CACNA2D2: variants seen among roughly 807,000 people sequenced by gnomAD.
CACNA2D2 encodes voltage-dependent calcium channel subunit alpha-2/delta-2.
CACNA2D2 carries 48 observed loss-of-function variants against 166.4 expected under a neutral mutation model. The observed-to-expected ratio is 0.29, with a 90% CI of 0.23 to 0.37. The LOEUF is 0.37. CACNA2D2 is among the 10% of genes least tolerant of loss of function. The probability of loss-of-function intolerance (pLI) is 1.00; values close to 1 mark genes in which losing one functional copy is unlikely to be tolerated. For synonymous variants in CACNA2D2, 561 were observed against 573.7 expected (o/e 0.98, Z 0.32); for missense variants, 1,122 against 1,433.0 (o/e 0.78, Z 3.50).
At position 50,367,644 on chromosome 3, in the gene CACNA2D2, G is replaced by A. The variant is rs139125287; in HGVS notation, c.2295C>T (p.Asn765=). 4.0e-4 allele frequency: 640 copies of A among 1,611,740 alleles called. 2 individuals are homozygous for A. Among genetic ancestry groups the A allele is most frequent in the Non-Finnish European group, 4.8e-4 (567 of 1,178,320 alleles). ...GGGTAGTGGGATAGGTCACTTACTT[G>A]TTGGGGAAGACTCGGGTGATGCCAC... The part of the protein sequence containing the change: ...TDGGITRVFP[N]KAAEDWTENP... The change falls in exon 26 of 38, where the codon AAC becomes AAT. Residue 765 remains asparagine (N), a splice_region_variant and synonymous_variant. Coordinates refer to ENST00000424201, the MANE Select transcript of CACNA2D2 (RefSeq NM_006030.4). The surrounding 1 kb of genome is among the most constrained non-coding windows in gnomAD (Gnocchi z 6.5).
chr3:50,391,874 C>T (rs1199095520), intron 4 of CACNA2D2, among the ~76,000 whole-genome samples: 2 of 152,222 alleles, frequency 1.3e-5, no homozygotes. Context: ...TCCTCCCCAT[C>T]TCAGAGGTAA....
At chr3:50,406,616 T>C (rs201073898) in intron 3 of CACNA2D2, among the ~76,000 whole-genome samples, 2 of 96,122 alleles carry the variant, frequency 2.1e-5, no homozygotes, top group Admixed American at 1.8e-4. Flanking sequence ...TATTACTCCA[T>C]CATCATCAGT....
chr3:50,367,860 A>C lies in CACNA2D2; in HGVS notation c.2186T>G (p.Ile729Ser). The change falls in exon 25 of 38, where the codon ATC (isoleucine) becomes AGC (serine). Residue 729 changes from isoleucine to serine, a missense_variant. Coordinates refer to ENST00000424201, the MANE Select transcript of CACNA2D2 (RefSeq NM_006030.4). The surrounding 1 kb of genome is among the most constrained non-coding windows in gnomAD (Gnocchi z 6.5). Reference protein sequence around the residue: ...LLHNLILDTGITQQLVERVWR... With the variant: ...LLHNLILDTGSTQQLVERVWR... ...CACACGCTCTACCAGCTGCTGCGTG[A>C]TGCCCGTGTCCAAGATCAGGTTGTG... is the stretch of plus-strand genomic sequence containing the variant. 1 of 1,469,658 alleles carries C rather than the reference A, an allele frequency of 6.8e-7. No individual in the cohort carries two copies. Among genetic ancestry groups the C allele is most frequent in the Non-Finnish European group, 9.2e-7 (1 of 1,091,936 alleles). 91.0% of individuals were successfully genotyped at this position (1,469,658 alleles called of 1,614,324 possible).
chr3:50,472,393 T>A (rs2107070972), intron 2 of CACNA2D2, among the ~76,000 whole-genome samples: 1 of 152,274 alleles, frequency 6.6e-6, no homozygotes, highest in East Asian at 1.9e-4. Context: ...GCTTGAGCCT[T>A]CCCAGAGGGT....
chr3:50,377,539 GT>G lies in CACNA2D2; in HGVS notation c.1553del (p.Asn518ThrfsTer3). The G allele has an allele frequency of 6.2e-7, 1 of 1,613,084 alleles. No homozygotes were observed. Among genetic ancestry groups the G allele is most frequent in the Non-Finnish European group, 8.5e-7 (1 of 1,179,706 alleles). On this transcript the variant is annotated frameshift_variant and splice_region_variant, in exon 17 of 38. Coordinates refer to ENST00000424201, the MANE Select transcript of CACNA2D2 (RefSeq NM_006030.4). LOFTEE classifies it high-confidence loss of function. ...LTQDGPGEKK[N>X]QLILGVMGID... Reference sequence around the variant, plus strand: ...TGCCCATCACGCCCAGGATCAGCTGGTTCTGGGAGCAGAAGCATGGGGGGCT... The same window carrying G: ...TGCCCATCACGCCCAGGATCAGCTGGTCTGGGAGCAGAAGCATGGGGGGCT...
intron 1 of CACNA2D2, among the ~76,000 whole-genome samples, chr3:50,484,372 A>G (rs1289206194): frequency 2.6e-5 from 4 of 151,902 alleles, no homozygotes; most frequent in African/African-American, 9.7e-5. Flanking sequence ...GTTCCCCTCT[A>G]CACACGGCTG....
chr3:50,488,003 GAGA>G (rs1356660108), intron 1 of CACNA2D2, among the ~76,000 whole-genome samples: 1 of 152,168 alleles, frequency 6.6e-6, no homozygotes, highest in African/African-American at 2.4e-5. Flanking sequence ...GGGGCCTGAT[GAGA>G]AGAAGAGTCC....
At chr3:50,449,046 G>A (rs563976430) in intron 2 of CACNA2D2, among the ~76,000 whole-genome samples, 3 of 152,318 alleles carry the variant, frequency 2.0e-5, no homozygotes, top group South Asian at 2.1e-4. Context: ...GATGGTGGGC[G>A]AGAAAAAATT....
intron 2 of CACNA2D2, among the ~76,000 whole-genome samples, chr3:50,470,642 A>T (rs1478334444): frequency 6.8e-6 from 1 of 147,962 alleles, no homozygotes; most frequent in Non-Finnish European, 1.5e-5. Flanking sequence ...GCCACTCCCC[A>T]TCCAATCCTG....
chr3:50,406,456 AC>A (rs34906519), intron 3 of CACNA2D2, among the ~76,000 whole-genome samples: 2,243 of 151,208 alleles, frequency 0.015, 35 homozygotes, highest in Middle Eastern at 0.058. Flanking sequence ...CAGCCCTATC[AC>A]CCCCATCACC....
intron 3 of CACNA2D2, among the ~76,000 whole-genome samples, chr3:50,412,724 A>G (rs1180606758): frequency 6.6e-6 from 1 of 152,240 alleles, no homozygotes; most frequent in African/African-American, 2.4e-5. Flanking sequence ...AGGATGCAAT[A>G]TGGGATCAAT....
At chr3:50,442,954 T>C (rs1344906181) in intron 2 of CACNA2D2, among the ~76,000 whole-genome samples, 1 of 152,074 alleles carries the variant, frequency 6.6e-6, no homozygotes, top group Non-Finnish European at 1.5e-5. Flanking sequence ...ATGGAGACTC[T>C]CAGGGCCCCC....
At position 50,365,697 on chromosome 3, in the gene CACNA2D2, C is replaced by G; in HGVS notation, c.2916-9G>C. On this transcript the variant is annotated splice_polypyrimidine_tract_variant and intron_variant, in intron 33 of 37. Coordinates refer to ENST00000424201, the MANE Select transcript of CACNA2D2 (RefSeq NM_006030.4). The surrounding 1 kb of genome is among the most constrained non-coding windows in gnomAD (Gnocchi z 4.5). ...GCTGCTGGAACAGGGACCTGCAGCG[C>G]ACGGGGAGCCGAGTGCAGGTGGTCA... is the stretch of plus-strand genomic sequence containing the variant. 1 of 1,591,474 alleles carries G rather than the reference C, an allele frequency of 6.3e-7. No individual in the cohort carries two copies. The highest frequency in any genetic ancestry group is 8.6e-7 in the Non-Finnish European group (1 of 1,169,396).
Position 50,375,612 on chromosome 3 carries a change from C to A in CACNA2D2, c.1907+32G>T. On this transcript the variant is annotated intron_variant, in intron 21 of 37. Transcript: ENST00000424201. This position sits in a 1 kb window ranked among gnomAD's most constrained non-coding sequence, Gnocchi z 4.0. ...GCTCAGATTCTGGGGCCACCCCACC[C>A]TCTCTGCCCGCCCAGCCCTGGCCTC... is the stretch of plus-strand genomic sequence containing the variant. 1 of 1,609,904 alleles carries A rather than the reference C, an allele frequency of 6.2e-7. No individual in the cohort carries two copies. Among genetic ancestry groups the A allele is most frequent in the Non-Finnish European group, 8.5e-7 (1 of 1,178,314 alleles).
In CACNA2D2 at chr3:50,367,436, G is replaced by A; in HGVS notation, c.2359C>T (p.Leu787=). ...TTGAAGACATAACCGTGGTTATCCA[G>A]GCTGCGGCGGTAGAAGCTGGCATTG... The part of the protein sequence containing the change: ...PFNASFYRRS[L]DNHGYVFKPP... Residue 787 remains leucine (L), a synonymous_variant, in exon 27 of 38, where the codon CTG becomes TTG. Coordinates refer to ENST00000424201, the MANE Select transcript of CACNA2D2 (RefSeq NM_006030.4). The surrounding 1 kb of genome is among the most constrained non-coding windows in gnomAD (Gnocchi z 6.5). 1 of 1,613,926 alleles carries A rather than the reference G, an allele frequency of 6.2e-7. No homozygotes were observed. Among genetic ancestry groups the A allele is most frequent in the African/African-American group, 1.3e-5 (1 of 75,030 alleles).
chr3:50,377,686 T>C, intron 16 of CACNA2D2, 46 bp downstream of exon 16: 1 of 1,584,050 alleles, frequency 6.3e-7, no homozygotes, highest in Non-Finnish European at 8.6e-7. Flanking sequence ...GGCATGCCCA[T>C]TCCTCCCCAG....
At chr3:50,406,310 C>T (rs1332402859) in intron 3 of CACNA2D2, among the ~76,000 whole-genome samples, 3 of 151,790 alleles carry the variant, frequency 2.0e-5, no homozygotes, top group Non-Finnish European at 4.4e-5. Flanking sequence ...AGGCTGTGCT[C>T]ACTGGAGGTT....
intron 2 of CACNA2D2, among the ~76,000 whole-genome samples, chr3:50,462,639 C>A (rs570746330): frequency 6.6e-6 from 1 of 151,652 alleles, no homozygotes; most frequent in Non-Finnish European, 1.5e-5. Flanking sequence ...CCTCCTCTCC[C>A]GCAGCAGGAT....
At chr3:50,500,614 A>G (rs1374328941) in intron 1 of CACNA2D2, among the ~76,000 whole-genome samples, 3 of 152,100 alleles carry the variant, frequency 2.0e-5, no homozygotes, top group African/African-American at 7.2e-5. Context: ...AGGCAGGTGA[A>G]AGGTGTGCTC....
Sources: allele counts gnomAD v4.1 joint callset (sites outside exome capture counted in the v4.1 genomes callset), GRCh38; gene constraint gnomAD v4.1.1; non-coding constraint Gnocchi (gnomAD v3.1); transcripts MANE v1.5; gene names NCBI Gene and HGNC (gene_info 2026-07-23, HGNC 2026-07-21).